The following ADCY8 variants were observed in gnomAD, a reference collection of about 807,000 sequenced individuals.
The protein encoded by ADCY8 is adenylate cyclase 8, also known as adenylate cyclase type 8.
A neutral mutation model predicts 119.7 loss-of-function variants in ADCY8; 51 were observed. That is an observed-to-expected ratio of 0.43 (90% confidence interval 0.34 to 0.54). ADCY8 has a LOEUF of 0.54. Among genes scored for constraint, ADCY8 ranks in the 20% least tolerant of loss-of-function variants. The pLI is 0.03. For synonymous variants in ADCY8, 665 were observed against 651.0 expected (o/e 1.02, Z -0.33); for missense variants, 1,383 against 1,598.8 (o/e 0.87, Z 2.30).
chr8:130,872,774 CAGA>C (rs2130416179), intron 8 of ADCY8, among the ~76,000 whole-genome samples: 1 of 152,224 alleles, frequency 6.6e-6, no homozygotes, highest in South Asian at 2.1e-4. Flanking sequence ...TTAAATGCAA[CAGA>C]AGGAGAGTGA....
intron 1 of ADCY8, among the ~76,000 whole-genome samples, chr8:131,014,413 C>T (rs1362400338): frequency 6.6e-6 from 1 of 152,122 alleles, no homozygotes; most frequent in Non-Finnish European, 1.5e-5. Context: ...ATATCTTTAG[C>T]CCATGGTGAT....
chr8:130,822,963 T>C (rs1190242161), intron 12 of ADCY8, among the ~76,000 whole-genome samples: 1 of 152,214 alleles, frequency 6.6e-6, no homozygotes, highest in East Asian at 1.9e-4. Context: ...ATCATCTTGC[T>C]CATGGTGGTG....
intron 14 of ADCY8, among the ~76,000 whole-genome samples, chr8:130,810,607 G>T (rs1816134457): frequency 6.6e-6 from 1 of 152,194 alleles, no homozygotes; most frequent in Non-Finnish European, 1.5e-5. Flanking sequence ...TTTCTCAATT[G>T]CCTATTTCAG....
At chr8:130,939,570 G>C (rs1465111218) in intron 4 of ADCY8, among the ~76,000 whole-genome samples, 1 of 152,126 alleles carries the variant, frequency 6.6e-6, no homozygotes, top group African/African-American at 2.4e-5. Flanking sequence ...ATGAGGGAAA[G>C]GGGCATAACA....
chr8:131,027,457 C>T (rs892293331), intron 1 of ADCY8, among the ~76,000 whole-genome samples: 5 of 152,122 alleles, frequency 3.3e-5, no homozygotes, highest in Admixed American at 1.3e-4. Context: ...GGGAGAAGCT[C>T]CCACTGGGGA....
At chr8:130,885,124 A>G (rs1818931123) in intron 7 of ADCY8, among the ~76,000 whole-genome samples, 1 of 152,152 alleles carries the variant, frequency 6.6e-6, no homozygotes, top group Non-Finnish European at 1.5e-5. Flanking sequence ...TATATGTTAA[A>G]AGTCCCCAAA....
At chr8:130,938,896 T>G (rs1820873651) in intron 4 of ADCY8, among the ~76,000 whole-genome samples, 1 of 152,160 alleles carries the variant, frequency 6.6e-6, no homozygotes, top group Non-Finnish European at 1.5e-5. Flanking sequence ...GCAACACAGC[T>G]GACAATTAGG....
At chr8:130,915,093 G>C (rs1213244407) in intron 5 of ADCY8, among the ~76,000 whole-genome samples, 1 of 152,164 alleles carries the variant, frequency 6.6e-6, no homozygotes, top group Non-Finnish European at 1.5e-5. Context: ...TCTTCATGGT[G>C]AGATTCCATT....
At chr8:130,897,075 G>C (rs774782799) in intron 7 of ADCY8, among the ~76,000 whole-genome samples, 1 of 152,094 alleles carries the variant, frequency 6.6e-6, no homozygotes, top group Non-Finnish European at 1.5e-5. Context: ...CTCCAACTCA[G>C]TTCTGCTTAG....
intron 10 of ADCY8, 50 bp downstream of exon 10, chr8:130,849,552 G>T: frequency 6.3e-7 from 1 of 1,590,574 alleles, no homozygotes; most frequent in Non-Finnish European, 8.6e-7. Context: ...TAAACTTCAT[G>T]CTCAACTGCA....
chr8:130,901,270 A>G (rs1020958570), intron 7 of ADCY8, among the ~76,000 whole-genome samples: 4 of 124,320 alleles, frequency 3.2e-5, no homozygotes, highest in African/African-American at 1.3e-4. Flanking sequence ...TTTTACTAGC[A>G]GTAGTTGGCT....
chr8:130,816,424 T>TC (rs1816344088), intron 13 of ADCY8, among the ~76,000 whole-genome samples: 1 of 106,124 alleles, frequency 9.4e-6, no homozygotes, highest in African/African-American at 3.5e-5. Context: ...TTAATTTTTT[T>TC]TTCTTTTTTT....
chr8:130,905,338 T>C (rs1358701148), intron 6 of ADCY8, among the ~76,000 whole-genome samples: 1 of 152,188 alleles, frequency 6.6e-6, no homozygotes, highest in African/African-American at 2.4e-5. Flanking sequence ...TTTCTGACAC[T>C]CCTCTAATAT....
At position 130,867,876 on chromosome 8, in the gene ADCY8, G is replaced by T. The variant is rs748382418; in HGVS notation, c.2180C>A (p.Thr727Lys). 6.2e-7 allele frequency: 1 copy of T among 1,611,356 alleles called. No homozygotes were observed. Among genetic ancestry groups the T allele is most frequent in the Admixed American group, 1.7e-5 (1 of 59,914 alleles). Reference protein sequence around the residue: ...VCAFIVLLFITAIQSLLPSSR... With the variant: ...VCAFIVLLFIKAIQSLLPSSR... The stretch of plus-strand genomic sequence containing the variant: ...AGAAGGAAGCAAACTTTGTATTGCC[G>T]TGATAAATAGAAGAACGATAAATGC... Residue 727 changes from threonine to lysine, a missense_variant, in exon 9 of 18, where the codon ACG (threonine) becomes AAG (lysine). Thr to Lys is a moderately conservative substitution (Grantham distance 78, BLOSUM62 -1). Around this residue, in one of 2 missense-constraint regions of ADCY8, gnomAD observed 928 missense variants for 1,163.5 expected, o/e 0.80. Transcript: ENST00000286355.
intron 3 of ADCY8, among the ~76,000 whole-genome samples, chr8:130,950,040 C>A (rs141962043): frequency 8.5e-5 from 13 of 152,172 alleles, no homozygotes; most frequent in African/African-American, 3.1e-4. Flanking sequence ...TTTTAAAACG[C>A]GTGTTCCTGC....
intron 12 of ADCY8, among the ~76,000 whole-genome samples, chr8:130,821,975 T>C (rs751510501): frequency 6.6e-6 from 1 of 152,144 alleles, no homozygotes; most frequent in Non-Finnish European, 1.5e-5. Context: ...ATGTTAACAA[T>C]AGATGATACT....
intron 2 of ADCY8, among the ~76,000 whole-genome samples, chr8:130,982,415 T>C (rs544484626): frequency 6.6e-6 from 1 of 152,372 alleles, no homozygotes; most frequent in African/African-American, 2.4e-5. Context: ...GATTGGGGCG[T>C]TGGTGAAATT....
chr8:130,848,144 C>T lies in ADCY8; in HGVS notation c.2413-631G>A, dbSNP rs146030930. On this transcript the variant is annotated intron_variant, in intron 10 of 17. Transcript: ENST00000286355. ...TACGAAACTCTGAGAAGTAAAGTAACTTGTCCAGTGTCACTGAGCTGGTGA... is the reference window on the plus strand; with the variant it reads ...TACGAAACTCTGAGAAGTAAAGTAATTTGTCCAGTGTCACTGAGCTGGTGA... Among the ~76,000 whole-genome samples the T allele has an allele frequency of 5.3e-5, 8 of 152,236 alleles. No individual in the cohort carries two copies. The East Asian group carries it at 1.5e-3, about 29-fold the overall frequency.
At chr8:130,976,965 G>A (rs1822090781) in intron 2 of ADCY8, among the ~76,000 whole-genome samples, 1 of 152,156 alleles carries the variant, frequency 6.6e-6, no homozygotes, top group African/African-American at 2.4e-5. Context: ...AGATTACCTT[G>A]CTCAAGGCCA....
Sources: allele counts gnomAD v4.1 joint callset (sites outside exome capture counted in the v4.1 genomes callset), GRCh38; gene constraint gnomAD v4.1.1; regional missense constraint gnomAD v4.1.1; transcripts MANE v1.5; gene names NCBI Gene and HGNC (gene_info 2026-07-23, HGNC 2026-07-21).